The following DMXL2 variants were observed in gnomAD, a reference collection of about 807,000 sequenced individuals.
DMXL2 encodes Dmx like 2, also known as dmX-like protein 2.
DMXL2 carries 103 observed loss-of-function variants against 331.1 expected under a neutral mutation model. The observed-to-expected ratio is 0.31, with a 90% CI of 0.27 to 0.37. The LOEUF (loss-of-function observed/expected upper bound fraction) is 0.37, where lower values mean the gene tolerates loss of function less well. Ranked by LOEUF, DMXL2 falls within the 10% of genes least tolerant of loss-of-function variation. The probability of loss-of-function intolerance (pLI) is 1.00; values close to 1 mark genes in which losing one functional copy is unlikely to be tolerated. For missense variants in DMXL2, 3,171 were observed against 3,642.9 expected, an observed-to-expected ratio of 0.87 and a Z score of 3.33; for synonymous variants, 1,281 against 1,252.1, an observed-to-expected ratio of 1.02 and a Z score of -0.49.
intron 27 of DMXL2, among the ~76,000 whole-genome samples, chr15:51,475,683 A>C (rs1049620986): frequency 6.6e-6 from 1 of 152,200 alleles, no homozygotes; most frequent in Non-Finnish European, 1.5e-5. Context: ...AATGTTACAT[A>C]TGGGCCCCCA....
intron 1 of DMXL2, among the ~76,000 whole-genome samples, chr15:51,601,904 T>C (rs1380682035): frequency 6.6e-6 from 1 of 152,214 alleles, no homozygotes; most frequent in Non-Finnish European, 1.5e-5. Flanking sequence ...AGTCTCTCAA[T>C]AAAGTTTATT....
intron 1 of DMXL2, among the ~76,000 whole-genome samples, chr15:51,611,966 C>T (rs1425407970): frequency 6.6e-6 from 1 of 152,190 alleles, no homozygotes; most frequent in Non-Finnish European, 1.5e-5. Flanking sequence ...CTCGGGTCCC[C>T]TTCCATGCTG....
chr15:51,580,930 CTAA>C (rs567703801), intron 1 of DMXL2, among the ~76,000 whole-genome samples: 112 of 151,438 alleles, frequency 7.4e-4, no homozygotes, highest in African/African-American at 2.6e-3. Flanking sequence ...AACCTGAAGT[CTAA>C]TAGACATAAG....
At chr15:51,611,156 T>A (rs1266685022) in intron 1 of DMXL2, among the ~76,000 whole-genome samples, 2 of 151,890 alleles carry the variant, frequency 1.3e-5, no homozygotes, top group African/African-American at 4.8e-5. Flanking sequence ...AATAAGTATA[T>A]AACAGAGAGA....
In DMXL2 at chr15:51,486,200, T is replaced by A. The variant is rs1408546399; in HGVS notation, c.5355A>T (p.Gly1785=). The change falls in exon 23 of 44, where the codon GGA becomes GGT. Residue 1785 remains glycine, a synonymous_variant. Coordinates refer to ENST00000560891, the MANE Select transcript of DMXL2 (RefSeq NM_001378457.1). ...KILGCQKDGS[G]FSCKRLHPDP... is the part of the protein sequence containing the mutation. ...CAGGATGTAATCTTTTGCAACTGAA[T>A]CCTGAGCCATCCTTTTGGCAACCCA... is the stretch of plus-strand genomic sequence containing the variant. 11 of 1,614,096 alleles carry A rather than the reference T, an allele frequency of 6.8e-6. No individual in the cohort carries two copies. Among genetic ancestry groups the A allele is most frequent in the Non-Finnish European group, 8.5e-6 (10 of 1,179,992 alleles).
At position 51,457,444 on chromosome 15, in the gene DMXL2, C is replaced by G. The variant is rs2141216819; in HGVS notation, c.8221G>C (p.Gly2741Arg). Residue 2741 changes from glycine (G) to arginine (R), a missense_variant, in exon 37 of 44, where the codon GGT becomes CGT. By Grantham distance (125) the Gly-to-Arg change is moderately radical. Transcript: ENST00000560891. Reference protein sequence around the residue: ...SKSSDDVDYRGSTTTLYQPSA... With the variant: ...SKSSDDVDYRRSTTTLYQPSA... ...GGTTGATAAAGAGTTGTAGTGGAACCACGATAATCAACATCATCTGAACTG... is the reference window on the plus strand; with the variant it reads ...GGTTGATAAAGAGTTGTAGTGGAACGACGATAATCAACATCATCTGAACTG... 1 of 1,614,020 alleles carries G rather than the reference C, an allele frequency of 6.2e-7. No individual in the cohort carries two copies. The highest frequency in any genetic ancestry group is 2.2e-5 in the East Asian group (1 of 44,890).
At chr15:51,614,239 T>C (rs1246213345) in intron 1 of DMXL2, among the ~76,000 whole-genome samples, 1 of 152,186 alleles carries the variant, frequency 6.6e-6, no homozygotes, top group Non-Finnish European at 1.5e-5. Context: ...TGCTGACACA[T>C]AGATCTTGGA....
intron 1 of DMXL2, among the ~76,000 whole-genome samples, chr15:51,576,543 A>G (rs2051061437): frequency 6.6e-6 from 1 of 152,170 alleles, no homozygotes. Flanking sequence ...ATACTAAGCC[A>G]CTGAAGACTG....
intron 1 of DMXL2, among the ~76,000 whole-genome samples, chr15:51,615,219 G>C (rs544987762): frequency 1.3e-5 from 2 of 152,332 alleles, no homozygotes; most frequent in East Asian, 3.9e-4. Context: ...AGAAACAGCT[G>C]AGTATACAAA....
intron 20 of DMXL2, 57 bp from the exon 21 acceptor site, chr15:51,488,702 A>T: frequency 7.0e-7 from 1 of 1,419,982 alleles, no homozygotes; most frequent in South Asian, 1.2e-5. Flanking sequence ...ACAATCAATT[A>T]ATCAACAATA....
intron 15 of DMXL2, among the ~76,000 whole-genome samples, chr15:51,513,063 T>C (rs2046848842): frequency 1.3e-5 from 2 of 152,040 alleles, no homozygotes. Context: ...AACACAGCTA[T>C]AAAATCAGGA....
chr15:51,575,717 G>T (rs984830691), intron 2 of DMXL2, among the ~76,000 whole-genome samples: 1 of 152,086 alleles, frequency 6.6e-6, no homozygotes, highest in Non-Finnish European at 1.5e-5. Context: ...TAGTATGAGT[G>T]ATATAAGGGG....
At chr15:51,511,827 T>C (rs1421853084) in intron 15 of DMXL2, among the ~76,000 whole-genome samples, 2 of 152,164 alleles carry the variant, frequency 1.3e-5, no homozygotes, top group Non-Finnish European at 2.9e-5. Flanking sequence ...AAAGAAAATG[T>C]AGCACATATA....
chr15:51,538,032 AGATGAT>A (rs1175489119), intron 10 of DMXL2, among the ~76,000 whole-genome samples, 175 bp downstream of exon 10: 2 of 152,226 alleles, frequency 1.3e-5, no homozygotes, highest in African/African-American at 4.8e-5. Context: ...ATATAGAGTT[AGATGAT>A]GTTTGCAGGG....
rs780104443 is a variant in DMXL2, at chr15:51,449,007, T to C, written c.9154A>G (p.Asn3052Asp). ...CTTTATAGAATGTCAAGAATTCTGT[T>C]AGGGATGTTAAAAGCATTGGGCAAA... ...RVLPNAFNIP[N>D]RILDIL Residue 3052 changes from asparagine (N) to aspartate (D), a missense_variant, in exon 44 of 44, where the codon AAC becomes GAC. By Grantham distance (23) the Asn-to-Asp change is conservative. This residue lies in a region of DMXL2 where 766 missense variants were observed against 940.5 expected (regional missense o/e 0.81). Transcript: ENST00000560891. 2 of 1,614,162 alleles carry C rather than the reference T, an allele frequency of 1.2e-6. No homozygotes were observed. The highest frequency in any genetic ancestry group is 1.1e-5 in the South Asian group (1 of 91,080).
intron 1 of DMXL2, among the ~76,000 whole-genome samples, chr15:51,592,478 G>C (rs562094861): frequency 7.9e-5 from 12 of 152,318 alleles, no homozygotes; most frequent in African/African-American, 2.6e-4. Context: ...ATGGAACCAA[G>C]TTGGAAAACA....
chr15:51,497,997 C>A (rs1160130378), intron 18 of DMXL2, among the ~76,000 whole-genome samples: 8 of 152,130 alleles, frequency 5.3e-5, no homozygotes, highest in African/African-American at 1.9e-4. Flanking sequence ...CTGTGGGAGG[C>A]CAAGGCAGGA....
chr15:51,586,625 G>A lies in DMXL2; in HGVS notation c.88-10444C>T, dbSNP rs1003841331. On this transcript the variant is annotated intron_variant, in intron 1 of 43. Transcript: ENST00000560891. ...AATTTTGATAATTTACTAATAGATG[G>A]AGCTATAACAAACTTCTAAGTACTA... is the stretch of plus-strand genomic sequence containing the variant. Among the ~76,000 whole-genome samples, 4 of 151,860 alleles carry A rather than the reference G, an allele frequency of 2.6e-5. No individual in the cohort carries two copies. The East Asian group carries it at 7.7e-4, about 29-fold the overall frequency.
At chr15:51,559,060 T>C (rs2049786943) in intron 6 of DMXL2, among the ~76,000 whole-genome samples, 1 of 152,200 alleles carries the variant, frequency 6.6e-6, no homozygotes, top group South Asian at 2.1e-4. Context: ...AACTCTGGCC[T>C]AGAAGATTAT....
Sources: gnomAD v4.1 joint callset for allele counts (sites outside exome capture counted in the v4.1 genomes callset) on GRCh38, gnomAD v4.1.1 for gene constraint, gnomAD v4.1.1 regional missense constraint, MANE v1.5 for transcripts, NCBI Gene and HGNC (gene_info 2026-07-23, HGNC 2026-07-21) for gene names.